The following ST3GAL2 variants were observed in gnomAD, a reference collection of about 807,000 sequenced individuals.
ST3GAL2 encodes CMP-N-acetylneuraminate-beta-galactosamide-alpha-2,3-sialyltransferase 2.
Under a neutral mutation model 37.5 loss-of-function variants are expected in ST3GAL2, and 16 were observed. That is an observed-to-expected ratio of 0.43 (90% confidence interval 0.29 to 0.65). ST3GAL2 has a LOEUF of 0.65. ST3GAL2 is among the 30% of genes least tolerant of loss of function. The pLI is 0.17. For missense variants in ST3GAL2, 383 were observed against 487.8 expected (o/e 0.79, Z 2.02); for synonymous variants, 238 against 202.9 (o/e 1.17, Z -1.47).
intron 3 of ST3GAL2, chr16:70,393,782 G>C (rs1163871654): frequency 1.3e-5 from 2 of 152,246 alleles, no homozygotes; most frequent in Non-Finnish European, 2.9e-5. Context: ...TTCCCAACAT[G>C]AGGAAGGTCT....
At chr16:70,386,706 T>C (rs2047446114) in intron 4 of ST3GAL2, among the ~76,000 whole-genome samples, 1 of 151,998 alleles carries the variant, frequency 6.6e-6, no homozygotes. Context: ...AGTGCAATGG[T>C]GTGGTCTTGG....
intron 3 of ST3GAL2, among the ~76,000 whole-genome samples, chr16:70,389,387 C>CCCGCCT (rs1279548535): frequency 1.4e-5 from 2 of 147,208 alleles, no homozygotes; most frequent in South Asian, 2.2e-4. Context: ...CACTGCAATC[C>CCCGCCT]CCGCCTCCGC....
At chr16:70,408,890 CAA>C (rs59060353) in intron 1 of ST3GAL2, among the ~76,000 whole-genome samples, 1,184 of 58,982 alleles carry the variant, frequency 0.02, 1 homozygote, top group Non-Finnish European at 0.034. Flanking sequence ...CTCAAAGAAA[CAA>C]AAAAAAAAAA....
intron 4 of ST3GAL2, among the ~76,000 whole-genome samples, chr16:70,383,668 G>C (rs1337184623): frequency 6.6e-6 from 1 of 151,128 alleles, no homozygotes; most frequent in African/African-American, 2.4e-5. Flanking sequence ...GAAAGGAAAG[G>C]AAGAAAAGAT....
In ST3GAL2 at chr16:70,393,408, G is replaced by A. The variant is rs182317411; in HGVS notation, c.533+1574C>T. On this transcript the variant is annotated intron_variant, in intron 3 of 6. Coordinates refer to ENST00000342907, the MANE Select transcript of ST3GAL2 (RefSeq NM_006927.4). ...TAAATTTCTTTCTGCAGCCCCACCT[G>A]ACAGTACCGGCCAGATGACTTAGAG... 8.2e-3 allele frequency among the ~76,000 whole-genome samples: 1,255 copies of A among 152,268 alleles called. 4 individuals are homozygous for A. The highest frequency in any genetic ancestry group is 0.012 in the Non-Finnish European group (820 of 68,012).
chr16:70,422,680 A>G (rs1270601138), intron 1 of ST3GAL2, among the ~76,000 whole-genome samples: 1 of 152,118 alleles, frequency 6.6e-6, no homozygotes, highest in Non-Finnish European at 1.5e-5. Flanking sequence ...CCACACCCTC[A>G]GAGTCCAAAG....
intron 1 of ST3GAL2, among the ~76,000 whole-genome samples, chr16:70,416,154 T>C (rs1230449226): frequency 6.6e-6 from 1 of 152,200 alleles, no homozygotes; most frequent in African/African-American, 2.4e-5. Context: ...TGTTGGTTAC[T>C]GCTGACCACC....
rs897322725 is a variant in ST3GAL2 at position 70,379,342 on chromosome 16, G to C, written c.*2347C>G. 5.9e-5 allele frequency: 9 copies of C among 152,208 alleles called. No homozygotes were observed. The highest frequency in any genetic ancestry group is 2.2e-4 in the African/African-American group (9 of 41,454). The allele number at this position is 152,208 out of a possible 1,614,324, so 9.4% of individuals were successfully genotyped here. A position where few individuals can be genotyped will look rare whatever the true frequency, so the allele number is the denominator to read the frequency against. ...CCCGCTCAGATTTCAGTGTCTTGGA[G>C]CGCAGAGTCCAGGAATGAGGTGCCT... is the stretch of plus-strand genomic sequence containing the variant. On this transcript the variant is annotated 3_prime_UTR_variant, in exon 7 of 7. Transcript: ENST00000342907.
At chr16:70,405,607 G>C (rs2047586065) in intron 1 of ST3GAL2, among the ~76,000 whole-genome samples, 1 of 150,136 alleles carries the variant, frequency 6.7e-6, no homozygotes, top group Admixed American at 6.6e-5. Context: ...CATGCCAGAT[G>C]ATTTATGTAA....
chr16:70,402,164 T>C (rs1282784781), intron 1 of ST3GAL2, among the ~76,000 whole-genome samples: 1 of 151,086 alleles, frequency 6.6e-6, no homozygotes, highest in Non-Finnish European at 1.5e-5. Context: ...CCGGGCATGG[T>C]GGCACATGCC....
intron 1 of ST3GAL2, among the ~76,000 whole-genome samples, chr16:70,427,056 C>T (rs2047756790): frequency 6.6e-6 from 1 of 152,062 alleles, no homozygotes; most frequent in Non-Finnish European, 1.5e-5. Context: ...CCTATGTTTC[C>T]CAGGCTGGTC....
At chr16:70,438,335 A>G (rs1396221913) in intron 1 of ST3GAL2, among the ~76,000 whole-genome samples, 2 of 152,148 alleles carry the variant, frequency 1.3e-5, no homozygotes, top group Admixed American at 1.3e-4. Context: ...AGGAGAGAGG[A>G]GAGACGAGGT....
At chr16:70,395,580 CTG>C (rs1430078028) in intron 2 of ST3GAL2, among the ~76,000 whole-genome samples, 2 of 152,194 alleles carry the variant, frequency 1.3e-5, no homozygotes, top group African/African-American at 4.8e-5. Context: ...AGGCTGAGGA[CTG>C]GGGTTGCAGA....
chr16:70,398,565 C>T lies in ST3GAL2; in HGVS notation c.-35G>A, dbSNP rs1355106130. The T allele has an allele frequency of 6.5e-7, 1 of 1,539,888 alleles. No individual in the cohort carries two copies. The highest frequency in any genetic ancestry group is 1.4e-5 in the African/African-American group (1 of 73,204). ...AGGCGGGTGACGGTCACCGTGGCCA[C>T]TCTTTTCCCAGCCCGCTGAGGGGCC... On this transcript the variant is annotated 5_prime_UTR_variant, in exon 2 of 7. In the 5' UTR this introduces an upstream ATG that the reference lacks. Transcript: ENST00000342907.
rs967920238 is a variant in ST3GAL2, at chr16:70,381,399, G to A, written c.*290C>T. The A allele has an allele frequency of 2.4e-6, 1 of 409,810 alleles. No homozygotes were observed. The highest frequency in any genetic ancestry group is 3.2e-5 in the South Asian group (1 of 31,446). The allele number at this position is 409,810 out of a possible 1,614,324, so 25.4% of individuals were successfully genotyped here. A position where few individuals can be genotyped will look rare whatever the true frequency, so the allele number is the denominator to read the frequency against. Reference sequence around the variant, plus strand: ...CCCTAACCCAAAGCATGAGGGAGTGGGGATTGAGCGGCCGCTGGCCCGCCC... The same window carrying A: ...CCCTAACCCAAAGCATGAGGGAGTGAGGATTGAGCGGCCGCTGGCCCGCCC... On this transcript the variant is annotated 3_prime_UTR_variant, in exon 7 of 7. Transcript: ENST00000342907.
At chr16:70,409,927 T>C (rs1000980822) in intron 1 of ST3GAL2, among the ~76,000 whole-genome samples, 7 of 149,900 alleles carry the variant, frequency 4.7e-5, no homozygotes, top group Admixed American at 1.3e-4. Flanking sequence ...GTGCACTACT[T>C]TTGTTGTTTT....
Position 70,382,749 on chromosome 16 carries a change from G to T in ST3GAL2, c.879+56C>A, listed in dbSNP as rs553298173. 3 of 1,610,164 alleles carry T rather than the reference G, an allele frequency of 1.9e-6. No individual in the cohort carries two copies. The African/African-American group carries it at 4.0e-5, about 21-fold the overall frequency. On this transcript the variant is annotated intron_variant, in intron 6 of 6. Transcript: ENST00000342907. ...CTGTTAGCCTGCTAAGACCCGAGAA[G>T]GCCTGCACTCCTCTGTTCCATGGGT...
intron 4 of ST3GAL2, among the ~76,000 whole-genome samples, chr16:70,384,265 T>C (rs2047426230): frequency 6.6e-6 from 1 of 152,190 alleles, no homozygotes; most frequent in African/African-American, 2.4e-5. Context: ...ATCCCTACAT[T>C]GGCATAGTAT....
At chr16:70,383,611 G>GGAAGGGAAAGGAGAAAGGAAAA (rs1189552748) in intron 4 of ST3GAL2, among the ~76,000 whole-genome samples, 8 of 146,980 alleles carry the variant, frequency 5.4e-5, no homozygotes, top group African/African-American at 1.1e-4. Flanking sequence ...GGAAAGGGAA[G>GGAAGGGAAAGGAGAAAGGAAAA]GAAGGGAAAG....
Sources: allele counts gnomAD v4.1 joint callset (sites outside exome capture counted in the v4.1 genomes callset), GRCh38; gene constraint gnomAD v4.1.1; transcripts MANE v1.5; gene names NCBI Gene and HGNC (gene_info 2026-07-23, HGNC 2026-07-21).